The following PRKCH variants were observed in gnomAD, a reference collection of about 807,000 sequenced individuals.
PRKCH encodes protein kinase C eta, also known as protein kinase C eta type.
PRKCH carries 28 observed loss-of-function variants against 82.5 expected under a neutral mutation model. The observed-to-expected ratio is 0.34, with a 90% CI of 0.25 to 0.47. The LOEUF (loss-of-function observed/expected upper bound fraction) is 0.47. PRKCH is among the 20% of genes least tolerant of loss of function. The probability of loss-of-function intolerance (pLI) is 1.00; values close to 1 mark genes in which losing one functional copy is unlikely to be tolerated. For synonymous variants in PRKCH, 322 were observed against 327.4 expected, an observed-to-expected ratio of 0.98 and a Z score of 0.18; for missense variants, 705 against 881.8, an observed-to-expected ratio of 0.80 and a Z score of 2.54.
intron 10 of PRKCH, among the ~76,000 whole-genome samples, chr14:61,492,740 G>A (rs1418730729): frequency 2.6e-5 from 4 of 152,180 alleles, no homozygotes; most frequent in African/African-American, 7.2e-5. Flanking sequence ...CCTTTGAGGC[G>A]CTTTCTGTGG....
chr14:61,266,315 G>A (rs543488005), intron 1 of PRKCH, among the ~76,000 whole-genome samples: 7 of 152,168 alleles, frequency 4.6e-5, no homozygotes, highest in Admixed American at 3.9e-4. Flanking sequence ...CTACTCGGGA[G>A]GCTGAGGTAG....
At chr14:61,301,107 G>A (rs1008891693) in intron 1 of PRKCH, among the ~76,000 whole-genome samples, 2 of 152,002 alleles carry the variant, frequency 1.3e-5, no homozygotes, top group Non-Finnish European at 2.9e-5. Flanking sequence ...TCTTTCTTTC[G>A]CCTATTAAAC....
At chr14:61,215,868 C>T (rs1343483456) in intron 1 of PRKCH, among the ~76,000 whole-genome samples, 1 of 152,130 alleles carries the variant, frequency 6.6e-6, no homozygotes, top group Non-Finnish European at 1.5e-5. Context: ...CAAGCTGTAT[C>T]CAATTTTGTG....
rs138727350 is a variant in PRKCH at position 61,291,984 on chromosome 14, G to C, written c.-19+104316G>C. On this transcript the variant is annotated intron_variant, in intron 1 of 3. Coordinates refer to the PRKCH transcript ENST00000555185. ...CAAAATTGATAAAGACTTTAATAAT[G>C]ATCAGTGGTGAAATAGCTGGGCCTC... is the stretch of plus-strand genomic sequence containing the variant. 4.6e-4 allele frequency among the ~76,000 whole-genome samples: 70 copies of C among 152,262 alleles called. 1 individual carries two copies. In the East Asian group the frequency reaches 0.01, roughly 22 times the overall value.
Position 61,467,353 on chromosome 14 carries a change from C to T in PRKCH, c.1278+9674C>T, listed in dbSNP as rs73322112. Among the ~76,000 whole-genome samples the T allele has an allele frequency of 1.8e-3, 270 of 152,356 alleles. 2 individuals are homozygous for T. Among genetic ancestry groups the T allele is most frequent in the African/African-American group, 6.3e-3 (264 of 41,578 alleles). ...TAGGGAGTGCCCCTCCAGCTGGCTT[C>T]AACATGTGGGGTCGTAGCGGGGCTG... On this transcript the variant is annotated intron_variant, in intron 9 of 13. Coordinates refer to ENST00000332981, the MANE Select transcript of PRKCH (RefSeq NM_006255.5).
rs55860426 is a variant in PRKCH at position 61,432,924 on chromosome 14, T to TGG, written c.428-10181_428-10180dup. On this transcript the variant is annotated intron_variant, in intron 2 of 13. Coordinates refer to ENST00000332981, the MANE Select transcript of PRKCH (RefSeq NM_006255.5). ...TTATTTCTTCTTAATAAAAAAAAAG[T>TGG]GGGGGGGATACATGTGCAGAGCGTA... 6.4e-3 allele frequency among the ~76,000 whole-genome samples: 933 copies of TGG among 146,474 alleles called. 11 individuals carry two copies. Among genetic ancestry groups the TGG allele is most frequent in the African/African-American group, 0.021 (840 of 39,632 alleles).
chr14:61,262,612 T>C (rs964189884), intron 1 of PRKCH, among the ~76,000 whole-genome samples: 2 of 152,176 alleles, frequency 1.3e-5, no homozygotes, highest in Admixed American at 6.5e-5. Context: ...TTTTGAATCA[T>C]GGTTACGTTT....
rs563924358 is a variant in PRKCH, at chr14:61,449,236, A to G, written c.686A>G (p.Asn229Ser). Residue 229 changes from asparagine (N) to serine (S), a missense_variant, in exon 5 of 14, where the codon AAC becomes AGC. Asn to Ser is a conservative substitution (Grantham distance 46). Transcript: ENST00000332981. ...VTACTCQNNI[N>S]KVDSKIAEQR... ...GCCTGTACTTGCCAAAACAATATTA[A>G]CAAAGTGGATTCAAAGGTAAGAGGA... is the stretch of plus-strand genomic sequence containing the variant. 34 of 1,613,416 alleles carry G rather than the reference A, an allele frequency of 2.1e-5. 1 individual carries two copies. The South Asian group carries it at 3.7e-4, about 18-fold the overall frequency.
At chr14:61,335,342 G>A (rs554919413) in intron 1 of PRKCH, among the ~76,000 whole-genome samples, 8 of 152,180 alleles carry the variant, frequency 5.3e-5, no homozygotes, top group African/African-American at 9.6e-5. Context: ...AGTTTATTCC[G>A]TATTTTTCAG....
At chr14:61,455,659 A>G (rs1247412876) in intron 7 of PRKCH, among the ~76,000 whole-genome samples, 2 of 152,210 alleles carry the variant, frequency 1.3e-5, no homozygotes, top group African/African-American at 4.8e-5. Context: ...AAGAATAGGA[A>G]TAAAGATCAT....
At chr14:61,211,083 T>C (rs1182168848) in intron 1 of PRKCH, among the ~76,000 whole-genome samples, 1 of 152,120 alleles carries the variant, frequency 6.6e-6, no homozygotes, top group Non-Finnish European at 1.5e-5. Context: ...GAGGACAAAC[T>C]GGAACCTGTC....
chr14:61,413,539 T>C (rs1182600306), intron 2 of PRKCH, among the ~76,000 whole-genome samples: 1 of 151,846 alleles, frequency 6.6e-6, no homozygotes, highest in Non-Finnish European at 1.5e-5. Context: ...TTCCCACCCA[T>C]CCTGAGTCCT....
intron 1 of PRKCH, among the ~76,000 whole-genome samples, chr14:61,227,623 G>T (rs2044707576): frequency 6.9e-6 from 1 of 145,722 alleles, no homozygotes; most frequent in African/African-American, 2.6e-5. Context: ...AATAAATAAA[G>T]ATTGCAGTTG....
intron 2 of PRKCH, among the ~76,000 whole-genome samples, chr14:61,404,024 C>T (rs144220391): frequency 6.6e-6 from 1 of 152,186 alleles, no homozygotes; most frequent in African/African-American, 2.4e-5. Context: ...ATGAACAAGA[C>T]AGTAGAGTTT....
intron 10 of PRKCH, among the ~76,000 whole-genome samples, chr14:61,524,346 A>G (rs1324028957): frequency 1.3e-5 from 2 of 152,260 alleles, no homozygotes; most frequent in Non-Finnish European, 2.9e-5. Context: ...CACAGAGGAT[A>G]GAATAACTCT....
chr14:61,250,670 T>C (rs1203956762), intron 1 of PRKCH, among the ~76,000 whole-genome samples: 1 of 152,194 alleles, frequency 6.6e-6, no homozygotes, highest in Non-Finnish European at 1.5e-5. Flanking sequence ...GGTAGATACA[T>C]GTCATTATAC....
chr14:61,448,144 C>A (rs997744827), intron 4 of PRKCH, among the ~76,000 whole-genome samples: 2 of 152,216 alleles, frequency 1.3e-5, no homozygotes, highest in African/African-American at 4.8e-5. Flanking sequence ...TCTCTGGGCA[C>A]TTTCAATTTG....
intron 1 of PRKCH, among the ~76,000 whole-genome samples, chr14:61,238,123 T>C (rs2044806557): frequency 6.6e-6 from 1 of 152,252 alleles, no homozygotes; most frequent in Admixed American, 6.5e-5. Context: ...ACTATGTAAG[T>C]AGGCAGCTTT....
At chr14:61,287,726 G>A (rs1410520141) in intron 1 of PRKCH, among the ~76,000 whole-genome samples, 1 of 151,286 alleles carries the variant, frequency 6.6e-6, no homozygotes, top group African/African-American at 2.4e-5. Flanking sequence ...AAAAAAAAAA[G>A]AAACTGAATT....
Sources: allele counts gnomAD v4.1 joint callset (sites outside exome capture counted in the v4.1 genomes callset), GRCh38; gene constraint gnomAD v4.1.1; transcripts MANE v1.5; gene names NCBI Gene and HGNC (gene_info 2026-07-23, HGNC 2026-07-21).